HAUS1: variants seen among roughly 807,000 people sequenced by gnomAD.
HAUS1 encodes the protein HAUS augmin like complex subunit 1, also known as HAUS augmin-like complex subunit 1.
In HAUS1, 25 loss-of-function variants were observed where a neutral mutation model predicts 38.6. The ratio of observed to expected loss-of-function variants is 0.65; its 90% confidence interval spans 0.47 to 0.91. HAUS1 has a LOEUF of 0.91. Among genes scored for constraint, HAUS1 ranks in the 40% least tolerant of loss-of-function variants. The pLI is 0.00. For missense variants in HAUS1, 325 were observed against 328.4 expected (o/e 0.99, Z 0.08); for synonymous variants, 109 against 112.9 (o/e 0.97, Z 0.22).
chr18:46,114,553 C>T (rs1257619646), intron 2 of HAUS1, among the ~76,000 whole-genome samples: 2 of 152,222 alleles, frequency 1.3e-5, no homozygotes, highest in Non-Finnish European at 2.9e-5. Flanking sequence ...CTCCAGTATT[C>T]TCAGCTTGCC....
chr18:46,122,356 A>G lies in HAUS1; in HGVS notation c.477-111A>G, dbSNP rs1322694070. 3.8e-6 allele frequency: 4 copies of G among 1,056,954 alleles called. No individual in the cohort carries two copies. In the Admixed American group the frequency reaches 8.5e-5, roughly 22 times the overall value. 65.5% of individuals were successfully genotyped at this position (1,056,954 alleles called of 1,614,324 possible). ...ACATGGAGGGGAAGATGACCTGGTT[A>G]CCAACTCTTGGCCAAGCCAGCATTG... On this transcript the variant is annotated intron_variant, in intron 4 of 8. Transcript: ENST00000282058.
intron 2 of HAUS1, among the ~76,000 whole-genome samples, chr18:46,110,351 T>TTTTG (rs1911594325): frequency 3.0e-5 from 4 of 134,976 alleles, no homozygotes; most frequent in Non-Finnish European, 6.4e-5. Context: ...TTTTTTTTTT[T>TTTTG]TTTTTTTTTT....
chr18:46,121,481 A>AATTATT (rs546659573), intron 4 of HAUS1: 1 of 151,748 alleles, frequency 6.6e-6, no homozygotes, highest in Non-Finnish European at 1.5e-5. Context: ...AGATATGTTA[A>AATTATT]ATTATTATTA....
intron 6 of HAUS1, among the ~76,000 whole-genome samples, 166 bp from the exon 7 acceptor site, chr18:46,124,656 G>T (rs751814397): frequency 3.3e-5 from 5 of 152,020 alleles, no homozygotes; most frequent in African/African-American, 1.2e-4. Flanking sequence ...AACAGGTGTT[G>T]TTTCCATTTG....
rs1037009234 is a variant in HAUS1 at position 46,125,899 on chromosome 18, A to G, written c.786+108A>G. ...TCCTTTCTCCTCAGTGGTAAGCTGC[A>G]GTCCTAAAGTTACTGTGTATCATTC... On this transcript the variant is annotated intron_variant, in intron 8 of 8. Coordinates refer to ENST00000282058, the MANE Select transcript of HAUS1 (RefSeq NM_138443.4). 5 of 704,142 alleles carry G rather than the reference A, an allele frequency of 7.1e-6. No homozygotes were observed. The African/African-American group carries it at 9.0e-5, about 13-fold the overall frequency. 43.6% of individuals were successfully genotyped at this position (704,142 alleles called of 1,614,324 possible). A position where few individuals can be genotyped will look rare whatever the true frequency, so the allele number is the denominator to read the frequency against.
At chr18:46,123,080 G>A (rs1911992370) in intron 5 of HAUS1, 1 of 451,222 alleles carries the variant, frequency 2.2e-6, no homozygotes, top group African/African-American at 2.0e-5. Flanking sequence ...GCGTGGTGGT[G>A]GGCGCCTGTA....
intron 4 of HAUS1, 135 bp from the exon 5 acceptor site, chr18:46,122,332 C>A: frequency 1.3e-6 from 1 of 749,956 alleles, no homozygotes. Context: ...CAGAGTGCAA[C>A]ATGGAGGGGA....
At chr18:46,108,058 T>G (rs370984284) in intron 2 of HAUS1, among the ~76,000 whole-genome samples, 1 of 152,138 alleles carries the variant, frequency 6.6e-6, no homozygotes, top group East Asian at 1.9e-4. Flanking sequence ...AACTATTCAT[T>G]CTTCGTGCCA....
intron 2 of HAUS1, among the ~76,000 whole-genome samples, chr18:46,110,153 T>C (rs1232514615): frequency 9.1e-6 from 1 of 109,302 alleles, no homozygotes. Context: ...TATTTTGTCC[T>C]TTTTTTTTTT....
chr18:46,126,523 AAC>A (rs1207387432), intron 8 of HAUS1: 3 of 152,172 alleles, frequency 2.0e-5, no homozygotes, highest in Non-Finnish European at 4.4e-5. Flanking sequence ...AGAAGGCCTT[AAC>A]ATATAAAGAG....
intron 2 of HAUS1, among the ~76,000 whole-genome samples, chr18:46,107,614 CAA>C (rs1911512438): frequency 6.6e-6 from 1 of 152,152 alleles, no homozygotes; most frequent in Non-Finnish European, 1.5e-5. Context: ...AACTTTATAA[CAA>C]GTGTACATTG....
At chr18:46,117,203 A>G (rs1396724735) in intron 2 of HAUS1, among the ~76,000 whole-genome samples, 2 of 152,220 alleles carry the variant, frequency 1.3e-5, no homozygotes, top group South Asian at 2.1e-4. Context: ...ATGAAAACAT[A>G]TGTTCATATC....
intron 2 of HAUS1, among the ~76,000 whole-genome samples, chr18:46,108,341 T>C (rs1228841162): frequency 6.7e-6 from 1 of 149,464 alleles, no homozygotes; most frequent in Non-Finnish European, 1.5e-5. Context: ...CTAGAGACAG[T>C]GTTTCACCGT....
Position 46,119,753 on chromosome 18 carries a change from C to T in HAUS1, c.342-173C>T, listed in dbSNP as rs1315447536. Among the ~76,000 whole-genome samples the T allele has an allele frequency of 4.6e-5, 7 of 151,694 alleles. No individual in the cohort carries two copies. The East Asian group carries it at 5.8e-4, about 13-fold the overall frequency. On this transcript the variant is annotated intron_variant, in intron 3 of 8. Transcript: ENST00000282058. ...TTTGAAGGAACAAATGGAACTTTGC[C>T]GAATGAAGAAGGGCATTCCAGGCAA...
chr18:46,114,567 C>T (rs1911753403), intron 2 of HAUS1, among the ~76,000 whole-genome samples: 1 of 152,194 alleles, frequency 6.6e-6, no homozygotes, highest in Admixed American at 6.5e-5. Context: ...GCTTGCCTTA[C>T]TCAAGGAGCT....
chr18:46,112,533 C>T, intron 2 of HAUS1, among the ~76,000 whole-genome samples: 1 of 16,102 alleles, frequency 6.2e-5, no homozygotes, highest in Non-Finnish European at 1.0e-4. Context: ...TATATATATT[C>T]CATATTATAT....
chr18:46,111,921 T>C (rs1053514674), intron 2 of HAUS1, among the ~76,000 whole-genome samples: 1 of 149,976 alleles, frequency 6.7e-6, no homozygotes, highest in African/African-American at 2.4e-5. Flanking sequence ...AGTCTTGCCC[T>C]GTTGCCCAGG....
At chr18:46,106,382 T>A (rs1023599703) in intron 2 of HAUS1, among the ~76,000 whole-genome samples, 14 of 150,886 alleles carry the variant, frequency 9.3e-5, no homozygotes, top group African/African-American at 3.4e-4. Context: ...GGCCGGAGAA[T>A]GGCGTGATCC....
At chr18:46,105,408 G>A in intron 2 of HAUS1, 40 bp downstream of exon 2, 1 of 1,553,214 alleles carries the variant, frequency 6.4e-7, no homozygotes, top group South Asian at 1.2e-5. Context: ...AATAAATAGA[G>A]GTAACCAAAT....
Sources: allele counts gnomAD v4.1 joint callset (sites outside exome capture counted in the v4.1 genomes callset), GRCh38; gene constraint gnomAD v4.1.1; transcripts MANE v1.5; gene names NCBI Gene and HGNC (gene_info 2026-07-23, HGNC 2026-07-21).